The following TAFA5 variants were observed in gnomAD, a reference collection of about 807,000 sequenced individuals.
TAFA5 encodes the protein chemokine-like protein TAFA-5.
A neutral mutation model predicts 15.3 loss-of-function variants in TAFA5; 6 were observed. That is an observed-to-expected ratio of 0.39 (90% CI 0.21 to 0.77). The LOEUF is 0.77. TAFA5 is among the 30% of genes least tolerant of loss of function. The probability of loss-of-function intolerance (pLI) is 0.41; values close to 1 mark genes in which losing one functional copy is unlikely to be tolerated. For synonymous variants in TAFA5, 103 were observed against 80.7 expected (o/e 1.28, Z -1.48); for missense variants, 161 against 193.1 (o/e 0.83, Z 0.98).
At position 48,552,525 on chromosome 22, in the gene TAFA5, AG is replaced by A. The variant is rs1207664833; in HGVS notation, c.112+62823del. On this transcript the variant is annotated intron_variant, in intron 1 of 3. Transcript: ENST00000402357. This position sits in a 1 kb window ranked among gnomAD's most constrained non-coding sequence, Gnocchi z 4.1. ...GTGGGCAGCCTGCTCTCCTTGGGTC[AG>A]GACATGGAGACTTCACAGCCCGGCG... Among the ~76,000 whole-genome samples the A allele has an allele frequency of 1.3e-5, 2 of 152,112 alleles. No homozygotes were observed. Among genetic ancestry groups the A allele is most frequent in the Non-Finnish European group, 1.5e-5 (1 of 68,014 alleles).
intron 2 of TAFA5, among the ~76,000 whole-genome samples, chr22:48,667,520 C>T (rs983309530): frequency 2.1e-4 from 32 of 152,202 alleles, no homozygotes; most frequent in Non-Finnish European, 2.9e-5. Context: ...GTGAGTGCCC[C>T]TCCCGCCTTC....
intron 1 of TAFA5, among the ~76,000 whole-genome samples, chr22:48,565,629 C>T (rs1283404539): frequency 6.6e-6 from 1 of 152,232 alleles, no homozygotes; most frequent in Non-Finnish European, 1.5e-5. Flanking sequence ...TTCTGGACAT[C>T]CACCTACCAC....
chr22:48,748,913 A>G (rs8139404), intron 3 of TAFA5, among the ~76,000 whole-genome samples: 41,519 of 152,042 alleles, frequency 0.27, 7,100 homozygotes, highest in African/African-American at 0.48. Flanking sequence ...CAGAACTTTC[A>G]GCAGGGCCAG....
intron 1 of TAFA5, among the ~76,000 whole-genome samples, chr22:48,540,874 G>GT (rs1030137805): frequency 1.2e-4 from 8 of 69,216 alleles, no homozygotes; most frequent in African/African-American, 3.0e-4. Context: ...TTCATTGACA[G>GT]TAAAAAAAAA....
At chr22:48,501,167 G>A (rs8136796) in intron 1 of TAFA5, among the ~76,000 whole-genome samples, 1 of 152,002 alleles carries the variant, frequency 6.6e-6, no homozygotes, top group East Asian at 1.9e-4. Flanking sequence ...CCCTCCCTCC[G>A]CGCTGCCACA....
intron 1 of TAFA5, among the ~76,000 whole-genome samples, chr22:48,503,386 C>T (rs1463807617): frequency 6.6e-6 from 1 of 152,242 alleles, no homozygotes; most frequent in Non-Finnish European, 1.5e-5. Context: ...TGCTTTACGC[C>T]AAGCACATTG....
chr22:48,613,281 T>TA (rs1925478249), intron 1 of TAFA5, among the ~76,000 whole-genome samples: 1 of 152,162 alleles, frequency 6.6e-6, no homozygotes, highest in Non-Finnish European at 1.5e-5. Flanking sequence ...TCTGGTCCCT[T>TA]ACGTCTCTCC....
At chr22:48,608,177 G>A (rs1371167368) in intron 1 of TAFA5, among the ~76,000 whole-genome samples, 3 of 120,546 alleles carry the variant, frequency 2.5e-5, no homozygotes, top group East Asian at 2.0e-4. Context: ...ACCCACCACC[G>A]ACGCTGATTT....
intron 1 of TAFA5, among the ~76,000 whole-genome samples, chr22:48,501,459 A>G (rs1414164554): frequency 2.0e-5 from 3 of 152,116 alleles, no homozygotes; most frequent in African/African-American, 7.2e-5. Context: ...AACTCGGGTG[A>G]CGGCCTCTGC....
At chr22:48,606,925 G>T (rs1334165724) in intron 1 of TAFA5, among the ~76,000 whole-genome samples, 1 of 152,144 alleles carries the variant, frequency 6.6e-6, no homozygotes, top group African/African-American at 2.4e-5. Context: ...GCTTGCTTCT[G>T]TCCAGGTTTC....
intron 1 of TAFA5, among the ~76,000 whole-genome samples, chr22:48,518,172 G>A (rs898344089): frequency 1.3e-5 from 2 of 152,150 alleles, no homozygotes; most frequent in Admixed American, 1.3e-4. Flanking sequence ...CTCCACCCTC[G>A]GGTCCCAGGA....
At chr22:48,691,266 C>A (rs1016270127) in intron 2 of TAFA5, among the ~76,000 whole-genome samples, 1 of 152,204 alleles carries the variant, frequency 6.6e-6, no homozygotes, top group Non-Finnish European at 1.5e-5. Context: ...GAGCCGCCTC[C>A]TCTCGTGGCT....
intron 1 of TAFA5, among the ~76,000 whole-genome samples, chr22:48,515,973 C>T (rs569787027): frequency 1.7e-3 from 265 of 152,056 alleles, no homozygotes; most frequent in Non-Finnish European, 2.8e-3. Flanking sequence ...AAAGGCAACC[C>T]GGGCAGCCAC....
At position 48,725,100 on chromosome 22, in the gene TAFA5, C is replaced by T. The variant is rs558694103; in HGVS notation, c.390+17256C>T. The stretch of plus-strand genomic sequence containing the variant: ...AGCAGAGCCCAGCCCTGAGGAGCCG[C>T]CTCCAGCTGGCGGGAAGCCTGTCGG... On this transcript the variant is annotated intron_variant, in intron 3 of 3. Transcript: ENST00000402357. 3.9e-5 allele frequency among the ~76,000 whole-genome samples: 6 copies of T among 152,402 alleles called. No homozygotes were observed. In the South Asian group the frequency reaches 1.2e-3, roughly 32 times the overall value.
At chr22:48,562,360 G>C (rs1294055397) in intron 1 of TAFA5, among the ~76,000 whole-genome samples, 1 of 152,110 alleles carries the variant, frequency 6.6e-6, no homozygotes, top group Non-Finnish European at 1.5e-5. Flanking sequence ...GGATGGTCTC[G>C]ATCTCCTGAC....
In TAFA5 at chr22:48,566,607, A is replaced by G. The variant is rs1199151705; in HGVS notation, c.112+76903A>G. Among the ~76,000 whole-genome samples, 2 of 151,936 alleles carry G rather than the reference A, an allele frequency of 1.3e-5. No homozygotes were observed. The highest frequency in any genetic ancestry group is 1.9e-4 in the East Asian group (1 of 5,174). On this transcript the variant is annotated intron_variant, in intron 1 of 3. Transcript: ENST00000402357. The surrounding 1 kb of genome is among the most constrained non-coding windows in gnomAD (Gnocchi z 4.5). ...CCCGGGTACACCTAGCTTTAGCCCAACCTCTCCTTCTGCTGCCATAGGCAG... is the reference window on the plus strand; with the variant it reads ...CCCGGGTACACCTAGCTTTAGCCCAGCCTCTCCTTCTGCTGCCATAGGCAG...
rs539766853 is a variant in TAFA5, at chr22:48,568,921, T to C, written c.113-77676T>C. Among the ~76,000 whole-genome samples the C allele has an allele frequency of 1.1e-3, 161 of 152,256 alleles. 2 individuals carry two copies. The highest frequency in any genetic ancestry group is 3.7e-3 in the African/African-American group (153 of 41,550). Reference sequence around the variant, plus strand: ...CAGATGAGGACAGAGCATCCTTTTGTGCTCACGGCCAGGGATGAGGGCAGA... The same window carrying C: ...CAGATGAGGACAGAGCATCCTTTTGCGCTCACGGCCAGGGATGAGGGCAGA... On this transcript the variant is annotated intron_variant, in intron 1 of 3. Transcript: ENST00000402357.
At chr22:48,555,582 C>G (rs940403687) in intron 1 of TAFA5, among the ~76,000 whole-genome samples, 12 of 152,208 alleles carry the variant, frequency 7.9e-5, no homozygotes, top group African/African-American at 2.7e-4. Context: ...CAACAAAAAT[C>G]CGCAAACCCA....
intron 1 of TAFA5, among the ~76,000 whole-genome samples, chr22:48,606,570 A>T (rs933986763): frequency 7.2e-5 from 11 of 152,200 alleles, no homozygotes; most frequent in Non-Finnish European, 1.5e-4. Context: ...TTATCTGTGG[A>T]ACTTACTTTC....
Sources: gnomAD v4.1 joint callset for allele counts (sites outside exome capture counted in the v4.1 genomes callset) on GRCh38, gnomAD v4.1.1 for gene constraint, Gnocchi (gnomAD v3.1) non-coding constraint, MANE v1.5 for transcripts, NCBI Gene and HGNC (gene_info 2026-07-23, HGNC 2026-07-21) for gene names.